EPS8: variants seen among roughly 807,000 people sequenced by gnomAD.
The protein encoded by EPS8 is EGFR pathway substrate 8, signaling adaptor.
A neutral mutation model predicts 103.8 loss-of-function variants in EPS8; 42 were observed. The ratio of observed to expected loss-of-function variants is 0.40; its 90% confidence interval spans 0.32 to 0.52. The LOEUF (loss-of-function observed/expected upper bound fraction) is 0.52, where lower values mean the gene tolerates loss of function less well. EPS8 is among the 20% of genes least tolerant of loss of function. EPS8 has a pLI of 0.40. For missense variants in EPS8, 969 were observed against 1,005.1 expected (o/e 0.96, Z 0.49); for synonymous variants, 344 against 344.6 (o/e 1.00, Z 0.02).
Position 15,784,388 on chromosome 12 carries a change from T to C in EPS8, c.-22+4773A>G, listed in dbSNP as rs1947289394. Among the ~76,000 whole-genome samples the C allele has an allele frequency of 6.6e-6, 1 of 152,162 alleles. No homozygotes were observed. The highest frequency in any genetic ancestry group is 1.5e-5 in the Non-Finnish European group (1 of 67,992). ...AGATGAAAAGGGGTATGTGAAAAGA[T>C]GTTAACATCATATGTCATTAGGAAA... On this transcript the variant is annotated intron_variant, in intron 1 of 20. Transcript: ENST00000281172. This position sits in a 1 kb window ranked among gnomAD's most constrained non-coding sequence, Gnocchi z 4.0.
chr12:15,628,008 T>TA (rs1476603789), intron 18 of EPS8, among the ~76,000 whole-genome samples: 2 of 151,336 alleles, frequency 1.3e-5, no homozygotes, highest in East Asian at 3.9e-4. Context: ...TGTGAATAGT[T>TA]AGTGTTATTT....
At position 15,695,265 on chromosome 12, in the gene EPS8, C is replaced by A. The variant is rs1055634757; in HGVS notation, c.-21-12293G>T. On this transcript the variant is annotated intron_variant, in intron 1 of 20. Coordinates refer to ENST00000281172, the MANE Select transcript of EPS8 (RefSeq NM_004447.6). The surrounding 1 kb of genome is among the most constrained non-coding windows in gnomAD (Gnocchi z 5.0). ...ATTAAAAACTAAAATAACTTTTAAA[C>A]ATGATTATTCAAACAAGATTCATTC... is the stretch of plus-strand genomic sequence containing the variant. Among the ~76,000 whole-genome samples the A allele has an allele frequency of 1.3e-5, 2 of 152,232 alleles. No homozygotes were observed. Among genetic ancestry groups the A allele is most frequent in the Non-Finnish European group, 2.9e-5 (2 of 68,026 alleles).
chr12:15,728,560 C>A lies in EPS8; in HGVS notation c.-21-45588G>T, dbSNP rs957195774. On this transcript the variant is annotated intron_variant, in intron 1 of 20. Coordinates refer to ENST00000281172, the MANE Select transcript of EPS8 (RefSeq NM_004447.6). The surrounding 1 kb of genome is among the most constrained non-coding windows in gnomAD (Gnocchi z 4.5). ...CATTAATAGAATTTGAAGAGTCAGG[C>A]ATTGCTCCTAATACCACCATATTTA... is the stretch of plus-strand genomic sequence containing the variant. 3.9e-5 allele frequency among the ~76,000 whole-genome samples: 6 copies of A among 152,166 alleles called. No individual in the cohort carries two copies. The highest frequency in any genetic ancestry group is 8.8e-5 in the Non-Finnish European group (6 of 68,036).
intron 9 of EPS8, 24 bp downstream of exon 9, chr12:15,662,002 T>C: frequency 6.4e-7 from 1 of 1,572,236 alleles, no homozygotes; most frequent in East Asian, 2.2e-5. Flanking sequence ...AAGCCAGTGA[T>C]CTAAAGGCGA....
At position 15,725,451 on chromosome 12, in the gene EPS8, C is replaced by CAA. The variant is rs1014039342; in HGVS notation, c.-21-42481_-21-42480dup. On this transcript the variant is annotated intron_variant, in intron 1 of 20. Transcript: ENST00000281172. This position sits in a 1 kb window ranked among gnomAD's most constrained non-coding sequence, Gnocchi z 4.5. Reference sequence around the variant, plus strand: ...TGGGCAATATAGTGATACCCTGTCTCAAAAAAAAAAGGAAAAAAACTAAAA... The same window carrying CAA: ...TGGGCAATATAGTGATACCCTGTCTCAAAAAAAAAAAAGGAAAAAAACTAAAA... Among the ~76,000 whole-genome samples, 1 of 113,286 alleles carries CAA rather than the reference C, an allele frequency of 8.8e-6. No homozygotes were observed. 74.3% of individuals were successfully genotyped at this position (113,286 alleles called of 152,430 possible). A position where few individuals can be genotyped will look rare whatever the true frequency, so the allele number is the denominator to read the frequency against.
intron 15 of EPS8, among the ~76,000 whole-genome samples, chr12:15,646,483 T>C (rs970319558): frequency 6.6e-6 from 1 of 152,134 alleles, no homozygotes; most frequent in Non-Finnish European, 1.5e-5. Context: ...TATGTAGATC[T>C]CATTTACTAA....
intron 1 of EPS8, among the ~76,000 whole-genome samples, chr12:15,742,272 C>G (rs1946832690): frequency 6.6e-6 from 1 of 152,148 alleles, no homozygotes; most frequent in South Asian, 2.1e-4. Flanking sequence ...AGTTCTAGAT[C>G]CTTGAGGAAT....
At chr12:15,710,264 T>C (rs1946444676) in intron 1 of EPS8, among the ~76,000 whole-genome samples, 1 of 151,948 alleles carries the variant, frequency 6.6e-6, no homozygotes, top group South Asian at 2.1e-4. Context: ...TGTCAGAGAG[T>C]TGTTACCAGA....
rs763251696 is a variant in EPS8 at position 15,666,440 on chromosome 12, C to T, written c.599G>A (p.Arg200Lys). ...CCTTGATTTCTTTCAATGCTTTTACCTCAGGGCGTCGGGCCGCCTCTTCTG... is the reference window on the plus strand; with the variant it reads ...CCTTGATTTCTTTCAATGCTTTTACTTCAGGGCGTCGGGCCGCCTCTTCTG... The part of the protein sequence containing the change: ...GKQKRRPDAL[R>K]MISNADPSIP... The change falls in exon 7 of 21, where the codon AGG becomes AAG. Residue 200 changes from arginine to lysine, a missense_variant and splice_region_variant. Transcript: ENST00000281172. 1.3e-5 allele frequency: 21 copies of T among 1,611,090 alleles called. No homozygotes were observed. Among genetic ancestry groups the T allele is most frequent in the Non-Finnish European group, 1.8e-5 (21 of 1,177,560 alleles).
At chr12:15,633,119 AATC>A (rs1945078373) in intron 17 of EPS8, among the ~76,000 whole-genome samples, 1 of 152,114 alleles carries the variant, frequency 6.6e-6, no homozygotes, top group Admixed American at 6.5e-5. Flanking sequence ...CTGAGTTGCT[AATC>A]CCCTTAGCAT....
chr12:15,710,987 A>C (rs1946454961), intron 1 of EPS8, among the ~76,000 whole-genome samples: 2 of 152,004 alleles, frequency 1.3e-5, no homozygotes, highest in African/African-American at 4.8e-5. Flanking sequence ...TCCCTAACTT[A>C]GTCTCTTGAG....
chr12:15,665,469 T>C (rs905116017), intron 8 of EPS8: 4 of 339,370 alleles, frequency 1.2e-5, no homozygotes, highest in Non-Finnish European at 2.2e-5. Context: ...TAGCTAGGAT[T>C]ATAGGCGCAT....
chr12:15,770,490 T>A (rs1170558647), intron 1 of EPS8, among the ~76,000 whole-genome samples: 1 of 152,044 alleles, frequency 6.6e-6, no homozygotes, highest in Non-Finnish European at 1.5e-5. Context: ...AATACAAAAA[T>A]CTTGAAAATT....
At chr12:15,722,336 A>T (rs1946606357) in intron 1 of EPS8, among the ~76,000 whole-genome samples, 1 of 152,068 alleles carries the variant, frequency 6.6e-6, no homozygotes, top group South Asian at 2.1e-4. Flanking sequence ...CCCCCCCAAA[A>T]ATTATGTAAC....
At position 15,693,667 on chromosome 12, in the gene EPS8, G is replaced by A. The variant is rs1285215088; in HGVS notation, c.-21-10695C>T. 1.3e-5 allele frequency among the ~76,000 whole-genome samples: 2 copies of A among 152,042 alleles called. No homozygotes were observed. The highest frequency in any genetic ancestry group is 4.8e-5 in the African/African-American group (2 of 41,394). On this transcript the variant is annotated intron_variant, in intron 1 of 20. Coordinates refer to ENST00000281172, the MANE Select transcript of EPS8 (RefSeq NM_004447.6). The surrounding 1 kb of genome is among the most constrained non-coding windows in gnomAD (Gnocchi z 5.6). ...TCCCTTTACTGTTATTTTATTTGGA[G>A]GAAGTGAAATAAATGCATATACCAC...
In EPS8 at chr12:15,688,875, T is replaced by TA. The variant is rs1345354986; in HGVS notation, c.-21-5904dup. Among the ~76,000 whole-genome samples, 2 of 152,110 alleles carry TA rather than the reference T, an allele frequency of 1.3e-5. No individual in the cohort carries two copies. The highest frequency in any genetic ancestry group is 2.4e-5 in the African/African-American group (1 of 41,428). On this transcript the variant is annotated intron_variant, in intron 1 of 20. Transcript: ENST00000281172. This position sits in a 1 kb window ranked among gnomAD's most constrained non-coding sequence, Gnocchi z 5.1. ...ACAAGCTGTCTATAGACAGCAAAAC[T>TA]AAAAGAGCACCCTGTAACACTCGCC...
intron 6 of EPS8, 36 bp downstream of exon 6, chr12:15,669,351 C>T: frequency 6.3e-7 from 1 of 1,580,894 alleles, no homozygotes; most frequent in Non-Finnish European, 8.6e-7. Context: ...AGACAATCTG[C>T]TTAAAGAAGA....
intron 1 of EPS8, among the ~76,000 whole-genome samples, chr12:15,756,370 A>T (rs2136025100): frequency 6.6e-6 from 1 of 152,356 alleles, no homozygotes; most frequent in East Asian, 1.9e-4. Context: ...AGAAAAATAT[A>T]AGTAAATTTG....
At chr12:15,624,517 T>C in intron 18 of EPS8, 110 bp from the exon 19 acceptor site, 1 of 713,522 alleles carries the variant, frequency 1.4e-6, no homozygotes, top group South Asian at 2.4e-5. Context: ...TACAGTCTAG[T>C]GTTCCTACCA....
Sources: gnomAD v4.1 joint callset for allele counts (sites outside exome capture counted in the v4.1 genomes callset) on GRCh38, gnomAD v4.1.1 for gene constraint, Gnocchi (gnomAD v3.1) non-coding constraint, MANE v1.5 for transcripts, NCBI Gene and HGNC (gene_info 2026-07-23, HGNC 2026-07-21) for gene names.